The following EWSR1 variants were observed in gnomAD, a reference collection of about 807,000 sequenced individuals.
EWSR1 encodes the protein RNA-binding protein EWS.
EWSR1 carries 14 observed loss-of-function variants against 92.1 expected under a neutral mutation model. That is an observed-to-expected ratio of 0.15 (90% confidence interval 0.10 to 0.24). The LOEUF is 0.24. Ranked by LOEUF, EWSR1 falls within the 10% of genes least tolerant of loss-of-function variation. The pLI, the probability that EWSR1 is intolerant of heterozygous loss-of-function variation, is 1.00. For synonymous variants in EWSR1, 303 were observed against 292.9 expected, an observed-to-expected ratio of 1.03 and a Z score of -0.35; for missense variants, 637 against 870.9, an observed-to-expected ratio of 0.73 and a Z score of 3.38.
chr22:29,268,424 T>C (rs2058306316), intron 1 of EWSR1, 75 bp downstream of exon 1: 1 of 1,612,960 alleles, frequency 6.2e-7, no homozygotes, highest in Non-Finnish European at 8.5e-7. Context: ...TCTCTGGGCT[T>C]GGCTGGGAAG....
chr22:29,297,571 G>A (rs1300505421), intron 12 of EWSR1, among the ~76,000 whole-genome samples: 2 of 152,166 alleles, frequency 1.3e-5, no homozygotes, highest in African/African-American at 2.4e-5. Context: ...ATGCGTGCCT[G>A]TAGTCCCAGC....
In EWSR1 at chr22:29,299,230, G is replaced by T; in HGVS notation, c.1581-4G>T. On this transcript the variant is annotated splice_region_variant and splice_polypyrimidine_tract_variant and intron_variant, in intron 14 of 16. Coordinates refer to ENST00000397938, the MANE Select transcript of EWSR1 (RefSeq NM_005243.4). The stretch of plus-strand genomic sequence containing the variant: ...GATTTCTGCTGTGATGTAATTGTAT[G>T]CAGGGGTTGTGGAAACCAGAACTTC... The T allele has an allele frequency of 1.2e-6, 2 of 1,614,074 alleles. No homozygotes were observed. The highest frequency in any genetic ancestry group is 1.7e-6 in the Non-Finnish European group (2 of 1,179,958).
chr22:29,288,735 A>G lies in EWSR1; in HGVS notation c.923A>G (p.Asp308Gly). ...CGGGGCAGGGGAAGAGGGGGATTTG[A>G]TCGTGGAGGCATGAGCAGAGGTGGG... The part of the protein sequence containing the change: ...DNRGRGRGGF[D>G]RGGMSRGGRG... Residue 308 changes from aspartate to glycine, a missense_variant, in exon 8 of 17, where the codon GAT becomes GGT. This residue lies in a region of EWSR1 where 116 missense variants were observed against 167.8 expected (regional missense o/e 0.69). Transcript: ENST00000397938. 1 of 1,613,756 alleles carries G rather than the reference A, an allele frequency of 6.2e-7. No homozygotes were observed. Among genetic ancestry groups the G allele is most frequent in the Non-Finnish European group, 8.5e-7 (1 of 1,179,808 alleles).
chr22:29,294,642 G>A (rs894755465), intron 11 of EWSR1, among the ~76,000 whole-genome samples: 25 of 149,550 alleles, frequency 1.7e-4, no homozygotes, highest in Admixed American at 2.0e-4. Context: ...TTGGGCGGGC[G>A]TGGTGGCTCA....
rs2060103316 is a variant in EWSR1 at position 29,287,097 on chromosome 22, T to C, written c.756T>C (p.Ser252=). The change falls in exon 7 of 17, where the codon AGT becomes AGC. Residue 252 remains serine (S), a synonymous_variant. Coordinates refer to ENST00000397938, the MANE Select transcript of EWSR1 (RefSeq NM_005243.4). ...CTGGATCCTACAGCCAAGCTCCAAG[T>C]CAATATAGCCAACAGAGCAGCAGCT... The part of the protein sequence containing the change: ...PQTGSYSQAP[S]QYSQQSSSYG... 1 of 1,613,906 alleles carries C rather than the reference T, an allele frequency of 6.2e-7. No individual in the cohort carries two copies. Among genetic ancestry groups the C allele is most frequent in the Non-Finnish European group, 8.5e-7 (1 of 1,179,964 alleles).
chr22:29,274,529 C>T (rs2058951230), intron 4 of EWSR1: 1 of 481,192 alleles, frequency 2.1e-6, no homozygotes, highest in Non-Finnish European at 3.7e-6. Context: ...AGTTATTTAC[C>T]TTCCCAAAGG....
In EWSR1 at chr22:29,299,732, C is replaced by G; in HGVS notation, c.1812C>G (p.Gly604=). ...GDRGGFRGGR[G]MDRGGFGGGR... ...GAGGTGGCTTCCGTGGTGGCCGGGG[C>G]ATGGACCGAGGTGGCTTTGGTGGAG... Residue 604 remains glycine, a synonymous_variant, in exon 16 of 17, where the codon GGC becomes GGG. Transcript: ENST00000397938. 2 of 1,611,136 alleles carry G rather than the reference C, an allele frequency of 1.2e-6. No individual in the cohort carries two copies. The highest frequency in any genetic ancestry group is 1.1e-5 in the South Asian group (1 of 90,618).
rs775155431 is a variant in EWSR1, at chr22:29,278,187, G to C, written c.384G>C (p.Gly128=). ...CTCAGCCTGCTTATCCAGCCTATGG[G>C]CAGCAGCCAGCAGCCACTGCACCTA... ...YGTQPAYPAY[G]QQPAATAPTR... Residue 128 remains glycine (G), a synonymous_variant, in exon 5 of 17, where the codon GGG becomes GGC. Coordinates refer to ENST00000397938, the MANE Select transcript of EWSR1 (RefSeq NM_005243.4). The C allele has an allele frequency of 3.7e-6, 6 of 1,613,720 alleles. No individual in the cohort carries two copies. The highest frequency in any genetic ancestry group is 1.6e-4 in the Middle Eastern group (1 of 6,082).
intron 11 of EWSR1, among the ~76,000 whole-genome samples, chr22:29,294,794 G>A (rs980655919): frequency 6.6e-6 from 1 of 151,204 alleles, no homozygotes; most frequent in African/African-American, 2.4e-5. Flanking sequence ...CGCGCCTGTA[G>A]TTGAGCTACT....
chr22:29,281,936 T>C (rs970577615), intron 5 of EWSR1, among the ~76,000 whole-genome samples: 2 of 152,222 alleles, frequency 1.3e-5, no homozygotes, highest in Admixed American at 6.5e-5. Context: ...ACAAATTCTC[T>C]AAATTTATGA....
At chr22:29,282,742 T>C (rs1165738664) in intron 6 of EWSR1, among the ~76,000 whole-genome samples, 185 bp downstream of exon 6, 1 of 151,982 alleles carries the variant, frequency 6.6e-6, no homozygotes, top group Non-Finnish European at 1.5e-5. Flanking sequence ...GCCTGGCAGC[T>C]AATAACTATT....
chr22:29,282,472 G>A lies in EWSR1; in HGVS notation c.496G>A (p.Gly166Arg). 1 of 1,584,028 alleles carries A rather than the reference G, an allele frequency of 6.3e-7. No homozygotes were observed. The highest frequency in any genetic ancestry group is 8.6e-7 in the Non-Finnish European group (1 of 1,169,086). Residue 166 changes from glycine to arginine, a missense_variant, in exon 6 of 17, where the codon GGA becomes AGA. Gly to Arg is a moderately radical substitution (Grantham distance 125). Around this residue, in one of 5 missense-constraint regions of EWSR1, gnomAD observed 6 missense variants for 30.3 expected, o/e 0.20. Transcript: ENST00000397938. ...GGYNQPSLGYGQSNYSYPQVP... is the reference protein window; with the variant it reads ...GGYNQPSLGYRQSNYSYPQVP... ...TTACAACCAGCCCAGCCTAGGATATGGACAGAGTAACTACAGTTATCCCCA... is the reference window on the plus strand; with the variant it reads ...TTACAACCAGCCCAGCCTAGGATATAGACAGAGTAACTACAGTTATCCCCA...
intron 6 of EWSR1, among the ~76,000 whole-genome samples, chr22:29,284,172 G>A (rs2059839869): frequency 6.6e-6 from 1 of 151,366 alleles, no homozygotes; most frequent in Non-Finnish European, 1.5e-5. Context: ...GTTTCACAAT[G>A]TTGGCCAGGC....
intron 6 of EWSR1, 105 bp downstream of exon 6, chr22:29,282,662 T>C (rs1231736927): frequency 1.1e-6 from 1 of 931,862 alleles, no homozygotes; most frequent in Non-Finnish European, 1.5e-6. Context: ...GTTATCTGAC[T>C]GTCGCAGTGA....
At chr22:29,282,773 T>C (rs1289922862) in intron 6 of EWSR1, among the ~76,000 whole-genome samples, 6 of 151,414 alleles carry the variant, frequency 4.0e-5, no homozygotes, top group Admixed American at 2.6e-4. Context: ...TTTTTTTTTT[T>C]TTCCCCCGAG....
chr22:29,287,496 C>T (rs544352526), intron 7 of EWSR1, among the ~76,000 whole-genome samples: 5 of 152,242 alleles, frequency 3.3e-5, no homozygotes, highest in African/African-American at 1.2e-4. Context: ...TCATGAGCCA[C>T]TGCGCCCAGC....
intron 11 of EWSR1, among the ~76,000 whole-genome samples, chr22:29,294,697 C>CG (rs939093619): frequency 4.6e-5 from 7 of 151,814 alleles, no homozygotes; most frequent in African/African-American, 1.7e-4. Context: ...GGGTGGATCA[C>CG]GAAGTCAAGA....
chr22:29,300,503 T>C lies in EWSR1; in HGVS notation c.*342T>C. Reference sequence around the variant, plus strand: ...GTTTTTTTTTTTTTTTTAAATAAAATTCCAAATGTTTATAAAGAGTCATCC... The same window carrying C: ...GTTTTTTTTTTTTTTTTAAATAAAACTCCAAATGTTTATAAAGAGTCATCC... On this transcript the variant is annotated 3_prime_UTR_variant, in exon 17 of 17. Coordinates refer to ENST00000397938, the MANE Select transcript of EWSR1 (RefSeq NM_005243.4). 1 of 232,012 alleles carries C rather than the reference T, an allele frequency of 4.3e-6. No individual in the cohort carries two copies. The highest frequency in any genetic ancestry group is 7.1e-5 in the East Asian group (1 of 14,184). 14.4% of individuals were successfully genotyped at this position (232,012 alleles called of 1,614,324 possible).
rs111892587 is a variant in EWSR1 at position 29,268,292 on chromosome 22, C to G, written c.-45C>G. 6.2e-7 allele frequency: 1 copy of G among 1,607,522 alleles called. No individual in the cohort carries two copies. Among genetic ancestry groups the G allele is most frequent in the Non-Finnish European group, 8.5e-7 (1 of 1,174,132 alleles). On this transcript the variant is annotated 5_prime_UTR_variant, in exon 1 of 17. Transcript: ENST00000397938. ...CGCAGTGCGGCGCCTAGAGGGAAAG[C>G]GAGAGGGAGACGGACGTTGAGAGAA...
Sources: allele counts gnomAD v4.1 joint callset (sites outside exome capture counted in the v4.1 genomes callset), GRCh38; gene constraint gnomAD v4.1.1; regional missense constraint gnomAD v4.1.1; transcripts MANE v1.5; gene names NCBI Gene and HGNC (gene_info 2026-07-23, HGNC 2026-07-21).